The following TNIK variants were observed in gnomAD, a reference collection of about 807,000 sequenced individuals.
TNIK encodes TRAF2 and NCK interacting kinase, also known as TRAF2 and NCK-interacting protein kinase.
TNIK carries 49 observed loss-of-function variants against 191.3 expected under a neutral mutation model. The observed-to-expected ratio is 0.26, with a 90% confidence interval of 0.20 to 0.32. TNIK has a LOEUF of 0.32. TNIK is among the 10% of genes least tolerant of loss of function. TNIK has a pLI of 1.00. For missense variants in TNIK, 1,155 were observed against 1,702.3 expected, an observed-to-expected ratio of 0.68 and a Z score of 5.66; for synonymous variants, 594 against 600.9, an observed-to-expected ratio of 0.99 and a Z score of 0.17.
At chr3:171,233,570 C>T (rs1363626952) in intron 2 of TNIK, among the ~76,000 whole-genome samples, 2 of 152,078 alleles carry the variant, frequency 1.3e-5, no homozygotes, top group Non-Finnish European at 2.9e-5. Context: ...TGGCCCTTAG[C>T]CAAAGAGCCA....
chr3:171,214,435 C>T (rs1487820056), intron 3 of TNIK, among the ~76,000 whole-genome samples: 2 of 152,218 alleles, frequency 1.3e-5, no homozygotes, highest in East Asian at 3.8e-4. Context: ...TTGCCACCCA[C>T]AGTGGCAGAA....
In TNIK at chr3:171,059,855, GTAAC is replaced by G. The variant is rs1436570541; in HGVS notation, c.*4022_*4025del. Among the ~76,000 whole-genome samples the G allele has an allele frequency of 1.3e-5, 2 of 152,134 alleles. No homozygotes were observed. Among genetic ancestry groups the G allele is most frequent in the Non-Finnish European group, 2.9e-5 (2 of 68,030 alleles). Reference sequence around the variant, plus strand: ...TAAATTTTGAAGAATGAACTAAAAGGTAACTAACAAGTTAGAGACTGTTGAAATG... The same window carrying G: ...TAAATTTTGAAGAATGAACTAAAAGGTAACAAGTTAGAGACTGTTGAAATG... On this transcript the variant is annotated 3_prime_UTR_variant, in exon 33 of 33. Coordinates refer to ENST00000436636, the MANE Select transcript of TNIK (RefSeq NM_015028.4).
rs781681674 is a variant in TNIK at position 171,093,845 on chromosome 3, A to G, written c.2715T>C (p.Ile905=). Reference sequence around the variant, plus strand: ...AGTTTTTATACCAACTTACCTCTCTAATCATCAAGGTTCCTTCTCTTGAAA... The same window carrying G: ...AGTTTTTATACCAACTTACCTCTCTGATCATCAAGGTTCCTTCTCTTGAAA... ...GSISREGTLM[I]RETSGEKKRS... Residue 905 remains isoleucine, a synonymous_variant, in exon 23 of 33, where the codon ATT becomes ATC. Coordinates refer to ENST00000436636, the MANE Select transcript of TNIK (RefSeq NM_015028.4). 14 of 1,613,420 alleles carry G rather than the reference A, an allele frequency of 8.7e-6. No individual in the cohort carries two copies. In the South Asian group the frequency reaches 1.4e-4, roughly 16 times the overall value.
At chr3:171,188,968 T>C in intron 6 of TNIK, 136 bp from the exon 7 acceptor site, 1 of 1,095,488 alleles carries the variant, frequency 9.1e-7, no homozygotes, top group Non-Finnish European at 1.3e-6. Context: ...CAAATGTACA[T>C]TTCTGGGGCA....
intron 12 of TNIK, among the ~76,000 whole-genome samples, chr3:171,155,394 A>G (rs1333483179): frequency 6.6e-6 from 1 of 152,240 alleles, no homozygotes; most frequent in African/African-American, 2.4e-5. Flanking sequence ...GCTATAGAAT[A>G]AGATGAAGGA....
rs1160081491 is a variant in TNIK, at chr3:171,063,756, A to G, written c.*125T>C. 9.8e-6 allele frequency: 9 copies of G among 919,034 alleles called. No homozygotes were observed. The Admixed American group carries it at 2.2e-4, about 22-fold the overall frequency. The allele number at this position is 919,034 out of a possible 1,614,324, so 56.9% of individuals were successfully genotyped here. A position where few individuals can be genotyped will look rare whatever the true frequency, so the allele number is the denominator to read the frequency against. The stretch of plus-strand genomic sequence containing the variant: ...ACTGGGAGGGGCGGAGGGAGAGGAA[A>G]AAGGGAAAGCGATATGTTCAACCAA... On this transcript the variant is annotated 3_prime_UTR_variant, in exon 33 of 33. Coordinates refer to ENST00000436636, the MANE Select transcript of TNIK (RefSeq NM_015028.4).
intron 3 of TNIK, among the ~76,000 whole-genome samples, chr3:171,222,757 A>G (rs1414990915): frequency 3.3e-5 from 5 of 152,170 alleles, no homozygotes; most frequent in Non-Finnish European, 7.4e-5. Context: ...ACCTACAGAA[A>G]TTCAGTAAGA....
intron 2 of TNIK, among the ~76,000 whole-genome samples, chr3:171,235,768 T>TGGG (rs11325665): frequency 2.1e-5 from 3 of 146,338 alleles, no homozygotes; most frequent in African/African-American, 7.6e-5. Flanking sequence ...TTTGTTTTGG[T>TGGG]GGGGGGGGGG....
At chr3:171,080,569 T>C (rs1432371071) in intron 27 of TNIK, among the ~76,000 whole-genome samples, 5 of 152,032 alleles carry the variant, frequency 3.3e-5, no homozygotes, top group Non-Finnish European at 7.4e-5. Flanking sequence ...CCCAAGTAGC[T>C]AGGATTACAG....
intron 4 of TNIK, among the ~76,000 whole-genome samples, chr3:171,203,416 C>T (rs1048477981): frequency 2.0e-5 from 3 of 152,170 alleles, no homozygotes; most frequent in Admixed American, 6.5e-5. Flanking sequence ...TGGAAGACAA[C>T]AGGGGATGTT....
chr3:171,309,097 C>A (rs1223551895), intron 2 of TNIK, among the ~76,000 whole-genome samples: 1 of 152,048 alleles, frequency 6.6e-6, no homozygotes, highest in South Asian at 2.1e-4. Context: ...GACACATGCA[C>A]ATGTTATGAT....
chr3:171,426,115 C>T (rs1408624690), intron 1 of TNIK, among the ~76,000 whole-genome samples: 73 of 152,116 alleles, frequency 4.8e-4, no homozygotes, highest in African/African-American at 1.8e-3. Flanking sequence ...CATATGTTTA[C>T]TGCAGCACTA....
chr3:171,165,545 C>T (rs531168710), intron 10 of TNIK, among the ~76,000 whole-genome samples: 4 of 152,296 alleles, frequency 2.6e-5, no homozygotes, highest in South Asian at 2.1e-4. Flanking sequence ...CCGCCCCCAC[C>T]GCTAGTCCCC....
chr3:171,291,294 A>AT (rs1321686618), intron 2 of TNIK, among the ~76,000 whole-genome samples: 1 of 152,166 alleles, frequency 6.6e-6, no homozygotes, highest in African/African-American at 2.4e-5. Context: ...GCAACAAAAT[A>AT]TTTTTTATTT....
chr3:171,236,763 T>G (rs527956872), intron 2 of TNIK, among the ~76,000 whole-genome samples: 2 of 152,268 alleles, frequency 1.3e-5, no homozygotes, highest in Non-Finnish European at 2.9e-5. Context: ...CTTTGCTCAC[T>G]CCATCCCACC....
chr3:171,176,634 C>G (rs886979511), intron 8 of TNIK, among the ~76,000 whole-genome samples: 1 of 152,216 alleles, frequency 6.6e-6, no homozygotes, highest in Non-Finnish European at 1.5e-5. Context: ...AATCTTGTGT[C>G]CTCCAGGAAA....
intron 3 of TNIK, among the ~76,000 whole-genome samples, chr3:171,226,741 A>C (rs1471265971): frequency 6.6e-6 from 1 of 152,188 alleles, no homozygotes; most frequent in African/African-American, 2.4e-5. Flanking sequence ...AAAATATTTT[A>C]CTGGTCAAAA....
intron 1 of TNIK, among the ~76,000 whole-genome samples, chr3:171,441,972 A>G (rs1259067132): frequency 5.9e-5 from 9 of 152,358 alleles, no homozygotes; most frequent in East Asian, 1.9e-4. Context: ...TGTCCATTTG[A>G]AAACATGGTT....
At chr3:171,322,025 G>A (rs1433258291) in intron 2 of TNIK, among the ~76,000 whole-genome samples, 1 of 152,074 alleles carries the variant, frequency 6.6e-6, no homozygotes, top group Non-Finnish European at 1.5e-5. Context: ...TGGGTATATG[G>A]GCTGAATCCA....
Sources: allele counts gnomAD v4.1 joint callset (sites outside exome capture counted in the v4.1 genomes callset), GRCh38; gene constraint gnomAD v4.1.1; transcripts MANE v1.5; gene names NCBI Gene and HGNC (gene_info 2026-07-23, HGNC 2026-07-21).